Variants in DSCAM observed in about 807,000 individuals in gnomAD.
DSCAM encodes the protein cell adhesion molecule DSCAM.
In DSCAM, 47 loss-of-function variants were observed where a neutral mutation model predicts 217.7. The observed-to-expected ratio is 0.22, with a 90% CI of 0.17 to 0.28. The LOEUF (loss-of-function observed/expected upper bound fraction) is 0.28, where lower values mean the gene tolerates loss of function less well. DSCAM is among the 10% of genes least tolerant of loss of function. The pLI is 1.00. For synonymous variants in DSCAM, 1,056 were observed against 1,015.3 expected (o/e 1.04, Z -0.76); for missense variants, 2,080 against 2,618.3 (o/e 0.79, Z 4.49).
At chr21:40,575,288 T>C (rs1294147489) in intron 3 of DSCAM, among the ~76,000 whole-genome samples, 1 of 150,524 alleles carries the variant, frequency 6.6e-6, no homozygotes, top group African/African-American at 2.4e-5. Context: ...TATAAAACAG[T>C]CCCACCCCAT....
intron 6 of DSCAM, among the ~76,000 whole-genome samples, chr21:40,347,143 A>G (rs2074566822): frequency 6.6e-6 from 1 of 152,022 alleles, no homozygotes; most frequent in Non-Finnish European, 1.5e-5. Flanking sequence ...TACTAAAAAT[A>G]CAAAATTAGC....
At chr21:40,295,367 C>T (rs2073942621) in intron 10 of DSCAM, among the ~76,000 whole-genome samples, 1 of 152,100 alleles carries the variant, frequency 6.6e-6, no homozygotes, top group South Asian at 2.1e-4. Flanking sequence ...ATTGTTTTTC[C>T]AAAGTCTAAC....
At chr21:40,597,998 G>A (rs776503031) in intron 3 of DSCAM, among the ~76,000 whole-genome samples, 4 of 152,166 alleles carry the variant, frequency 2.6e-5, no homozygotes, top group African/African-American at 4.8e-5. Flanking sequence ...TGTGTTGTAC[G>A]TTCTGTGCCT....
chr21:40,398,440 A>G lies in DSCAM; in HGVS notation c.509-29195T>C, dbSNP rs2075201826. Among the ~76,000 whole-genome samples the G allele has an allele frequency of 2.6e-5, 4 of 152,088 alleles. No homozygotes were observed. In the Middle Eastern group the frequency reaches 0.01, roughly 388 times the overall value. On this transcript the variant is annotated intron_variant, in intron 3 of 32. Transcript: ENST00000400454. The stretch of plus-strand genomic sequence containing the variant: ...AATGTCAAAATACCCCCAATTCCCT[A>G]TCCCATGTTTAAAATAATAAATAAC...
At chr21:40,702,230 T>G (rs916883591) in intron 2 of DSCAM, among the ~76,000 whole-genome samples, 1 of 152,190 alleles carries the variant, frequency 6.6e-6, no homozygotes, top group East Asian at 1.9e-4. Context: ...AACTGTTCTT[T>G]ATGATACTGT....
chr21:40,171,585 A>G (rs2090658777), intron 15 of DSCAM, among the ~76,000 whole-genome samples: 1 of 151,606 alleles, frequency 6.6e-6, no homozygotes, highest in African/African-American at 2.4e-5. Flanking sequence ...AAAAAAAAAA[A>G]GTGATGAAAA....
At chr21:40,631,669 G>A (rs2089693178) in intron 3 of DSCAM, among the ~76,000 whole-genome samples, 1 of 152,210 alleles carries the variant, frequency 6.6e-6, no homozygotes, top group African/African-American at 2.4e-5. Flanking sequence ...TTTAGGTGGT[G>A]TTCCATGTTT....
intron 1 of DSCAM, among the ~76,000 whole-genome samples, chr21:40,771,548 G>A (rs1050291324): frequency 6.6e-6 from 1 of 152,222 alleles, no homozygotes; most frequent in African/African-American, 2.4e-5. Context: ...TCTGCAAAGA[G>A]CACTTGCGTG....
At chr21:40,175,811 A>ACGCACGCACG (rs112452108) in intron 15 of DSCAM, among the ~76,000 whole-genome samples, 9 of 127,570 alleles carry the variant, frequency 7.1e-5, no homozygotes, top group South Asian at 2.6e-4. Flanking sequence ...ACACACACGC[A>ACGCACGCACG]CACACACACA....
In DSCAM at chr21:40,764,792, C is replaced by T. The variant is rs568848311; in HGVS notation, c.44-56021G>A. Among the ~76,000 whole-genome samples the T allele has an allele frequency of 3.0e-4, 22 of 74,308 alleles. No homozygotes were observed. In the South Asian group the frequency reaches 3.5e-3, roughly 12 times the overall value. The allele number at this position is 74,308 out of a possible 152,430, so 48.7% of individuals were successfully genotyped here. The stretch of plus-strand genomic sequence containing the variant: ...GCCATAAAAATGAATGAGTTCATGT[C>T]CTTTGCAAGGTCATGGATGAAGCTG... On this transcript the variant is annotated intron_variant, in intron 1 of 32. Transcript: ENST00000400454.
intron 3 of DSCAM, among the ~76,000 whole-genome samples, chr21:40,374,002 A>T (rs1373791350): frequency 6.6e-6 from 1 of 152,180 alleles, no homozygotes; most frequent in Non-Finnish European, 1.5e-5. Context: ...CAGAGTGACT[A>T]AGCTGAATAA....
At chr21:40,662,318 T>C (rs1432549811) in intron 3 of DSCAM, among the ~76,000 whole-genome samples, 1 of 152,166 alleles carries the variant, frequency 6.6e-6, no homozygotes, top group African/African-American at 2.4e-5. Flanking sequence ...AAAATTATTA[T>C]CTTGACAGAC....
chr21:40,735,147 C>T (rs1242358190), intron 1 of DSCAM, among the ~76,000 whole-genome samples: 2 of 152,202 alleles, frequency 1.3e-5, no homozygotes, highest in Non-Finnish European at 2.9e-5. Context: ...GGGTACTGAT[C>T]CACGTGTTTT....
At chr21:40,416,655 T>C (rs1199280109) in intron 3 of DSCAM, among the ~76,000 whole-genome samples, 6 of 152,062 alleles carry the variant, frequency 3.9e-5, no homozygotes, top group Non-Finnish European at 1.5e-5. Context: ...ATTGTAGGGA[T>C]TGATATAAAC....
chr21:40,029,009 C>T (rs2088462294), intron 32 of DSCAM, among the ~76,000 whole-genome samples: 1 of 151,970 alleles, frequency 6.6e-6, no homozygotes, highest in Admixed American at 6.6e-5. Context: ...AATTACAAGT[C>T]CTAAAAATGC....
intron 20 of DSCAM, among the ~76,000 whole-genome samples, chr21:40,099,414 T>C (rs542413003): frequency 1.3e-5 from 2 of 152,268 alleles, no homozygotes; most frequent in South Asian, 4.1e-4. Flanking sequence ...AATAATAACG[T>C]CAAGCTGTTA....
chr21:40,603,225 G>C (rs1194108404), intron 3 of DSCAM, among the ~76,000 whole-genome samples: 1 of 152,000 alleles, frequency 6.6e-6, no homozygotes, highest in Non-Finnish European at 1.5e-5. Context: ...TAATTTTCTT[G>C]AGATGTCTTT....
At chr21:40,119,615 G>C (rs960080619) in intron 20 of DSCAM, among the ~76,000 whole-genome samples, 1 of 151,998 alleles carries the variant, frequency 6.6e-6, no homozygotes, top group Non-Finnish European at 1.5e-5. Context: ...ATTGGGAAAT[G>C]CCTACATTTA....
intron 3 of DSCAM, chr21:40,383,612 A>G (rs955518455): frequency 2.0e-5 from 3 of 152,164 alleles, no homozygotes; most frequent in African/African-American, 7.2e-5. Flanking sequence ...TTGCTCTAAC[A>G]CTTCTTAGTC....
Sources: allele counts gnomAD v4.1 joint callset (sites outside exome capture counted in the v4.1 genomes callset), GRCh38; gene constraint gnomAD v4.1.1; transcripts MANE v1.5; gene names NCBI Gene and HGNC (gene_info 2026-07-23, HGNC 2026-07-21).